The following CRACD variants were observed in gnomAD, a reference collection of about 807,000 sequenced individuals.
CRACD encodes the protein capping protein inhibiting regulator of actin dynamics, also known as capping protein-inhibiting regulator of actin dynamics.
A neutral mutation model predicts 106.8 loss-of-function variants in CRACD; 56 were observed. The ratio of observed to expected loss-of-function variants is 0.52; its 90% confidence interval spans 0.42 to 0.66. The LOEUF is 0.66. Among genes scored for constraint, CRACD ranks in the 30% least tolerant of loss-of-function variants. The pLI is 0.00. For missense variants in CRACD, 1,730 were observed against 1,623.2 expected (o/e 1.07, Z -1.13); for synonymous variants, 754 against 670.8 (o/e 1.12, Z -1.92).
intron 2 of CRACD, among the ~76,000 whole-genome samples, chr4:56,211,400 C>T (rs748527010): frequency 8.5e-5 from 13 of 152,242 alleles, no homozygotes; most frequent in Non-Finnish European, 1.5e-4. Flanking sequence ...CCTGCCCAGG[C>T]CATGCCTGGC....
At position 56,314,693 on chromosome 4, in the gene CRACD, G is replaced by A; in HGVS notation, c.1191G>A (p.Glu397=). ...CTGGGGAGGGCCGGCGGGGCGCGGA[G>A]GAGGAGGATCTGGGGGAAGAGGAGG... is the stretch of plus-strand genomic sequence containing the variant. ...EETGEGRRGA[E]EEDLGEEEEE... The change falls in exon 8 of 11, where the codon GAG becomes GAA. Residue 397 remains glutamate, a synonymous_variant. Transcript: ENST00000682029. The surrounding 1 kb of genome is among the most constrained non-coding windows in gnomAD (Gnocchi z 4.4). 3.2e-6 allele frequency: 5 copies of A among 1,556,686 alleles called. No individual in the cohort carries two copies. The highest frequency in any genetic ancestry group is 4.3e-6 in the Non-Finnish European group (5 of 1,150,196).
chr4:56,296,166 AG>A (rs1466108027), intron 3 of CRACD, among the ~76,000 whole-genome samples: 2 of 152,144 alleles, frequency 1.3e-5, no homozygotes, highest in Non-Finnish European at 2.9e-5. Context: ...AAAATATGGC[AG>A]CTGGCTGGCA....
At chr4:56,305,565 T>G (rs1744641444) in intron 4 of CRACD, among the ~76,000 whole-genome samples, 1 of 152,244 alleles carries the variant, frequency 6.6e-6, no homozygotes, top group South Asian at 2.1e-4. Context: ...CCTGTTGGAC[T>G]TGTTTTTAGA....
intron 1 of CRACD, among the ~76,000 whole-genome samples, chr4:56,141,741 T>TG (rs1484854786): frequency 1.5e-5 from 2 of 137,606 alleles, no homozygotes; most frequent in Non-Finnish European, 1.5e-5. Context: ...TCACCCACGC[T>TG]GGGGTGCAGT....
intron 1 of CRACD, among the ~76,000 whole-genome samples, chr4:56,078,461 C>G (rs537167534): frequency 1.2e-4 from 18 of 152,296 alleles, no homozygotes; most frequent in African/African-American, 4.1e-4. Context: ...GGCTAGAGTG[C>G]AGTGGTGTGA....
intron 10 of CRACD, among the ~76,000 whole-genome samples, chr4:56,325,861 T>C (rs1021528817): frequency 7.2e-5 from 11 of 152,182 alleles, no homozygotes; most frequent in Non-Finnish European, 1.2e-4. Flanking sequence ...ATTAAAGATA[T>C]ATTTACTACT....
intron 1 of CRACD, among the ~76,000 whole-genome samples, chr4:56,092,875 T>A (rs574390312): frequency 6.6e-6 from 1 of 152,226 alleles, no homozygotes; most frequent in Non-Finnish European, 1.5e-5. Flanking sequence ...GAGAGCAAAG[T>A]GTTGGGGTTA....
At chr4:56,264,131 T>C (rs1435055570) in intron 2 of CRACD, among the ~76,000 whole-genome samples, 1 of 152,028 alleles carries the variant, frequency 6.6e-6, no homozygotes, top group African/African-American at 2.4e-5. Context: ...TACACACTTT[T>C]AAACAACCAG....
chr4:56,127,410 G>A (rs1734694362), intron 1 of CRACD, among the ~76,000 whole-genome samples: 1 of 152,180 alleles, frequency 6.6e-6, no homozygotes, highest in African/African-American at 2.4e-5. Flanking sequence ...GGAAAGAGAG[G>A]AGTGCATTTT....
At chr4:56,123,947 A>ATTTT (rs3036813) in intron 1 of CRACD, among the ~76,000 whole-genome samples, 5 of 151,208 alleles carry the variant, frequency 3.3e-5, no homozygotes, top group African/African-American at 1.2e-4. Context: ...TTTTAAAATC[A>ATTTT]TTTTTTTTTA....
chr4:56,135,164 TA>T (rs1335513985), intron 1 of CRACD, among the ~76,000 whole-genome samples: 1 of 152,158 alleles, frequency 6.6e-6, no homozygotes, highest in African/African-American at 2.4e-5. Flanking sequence ...TATGCGCCTG[TA>T]ATCCCAGCTA....
intron 1 of CRACD, among the ~76,000 whole-genome samples, chr4:56,116,661 G>A (rs1432709612): frequency 1.3e-5 from 2 of 151,994 alleles, no homozygotes; most frequent in Non-Finnish European, 2.9e-5. Flanking sequence ...GTGACATAGT[G>A]CATCTTCTTT....
chr4:56,164,980 A>T (rs538198391), intron 1 of CRACD, among the ~76,000 whole-genome samples: 2 of 152,346 alleles, frequency 1.3e-5, no homozygotes, highest in East Asian at 3.9e-4. Flanking sequence ...GATCTCTGAA[A>T]TCAAGTGGGA....
At chr4:56,316,762 C>T (rs1560540120) in intron 8 of CRACD, 73 bp downstream of exon 8, 4 of 1,475,516 alleles carry the variant, frequency 2.7e-6, no homozygotes, top group Non-Finnish European at 3.7e-6. Context: ...GAGATCCACA[C>T]GCAGGTTCAT....
At chr4:56,278,645 T>C (rs1742813123) in intron 3 of CRACD, among the ~76,000 whole-genome samples, 2 of 152,180 alleles carry the variant, frequency 1.3e-5, no homozygotes, top group South Asian at 4.1e-4. Flanking sequence ...ACAGAAAAGT[T>C]GGACTACATC....
At chr4:56,309,885 T>C (rs928079406) in intron 5 of CRACD, among the ~76,000 whole-genome samples, 14 of 151,612 alleles carry the variant, frequency 9.2e-5, no homozygotes, top group African/African-American at 3.1e-4. Flanking sequence ...AGTAAAAAGT[T>C]AGCCAGACGT....
chr4:56,288,624 C>T (rs490591), intron 3 of CRACD: 132,564 of 153,286 alleles, frequency 0.86, 58,128 homozygotes, highest in Non-Finnish European at 0.94. Flanking sequence ...CCCTTTCTTT[C>T]ACTTCTTTGG....
At chr4:56,302,510 G>A (rs1428380019) in intron 4 of CRACD, among the ~76,000 whole-genome samples, 1 of 152,132 alleles carries the variant, frequency 6.6e-6, no homozygotes, top group Non-Finnish European at 1.5e-5. Context: ...CCACCGAGCT[G>A]GATTTCACTT....
rs913119229 is a variant in CRACD, at chr4:56,258,027, A to G, written c.-188-14294A>G. Among the ~76,000 whole-genome samples, 41 of 151,222 alleles carry G rather than the reference A, an allele frequency of 2.7e-4. 1 individual carries two copies. The highest frequency in any genetic ancestry group is 9.7e-4 in the African/African-American group (40 of 41,196). On this transcript the variant is annotated intron_variant, in intron 2 of 10. Transcript: ENST00000682029. ...AGAGGTGGCAGTGAGCCTAGATCGC[A>G]CCACTGCACTCCAGCCTGGCGACAG... is the stretch of plus-strand genomic sequence containing the variant.
Sources: gnomAD v4.1 joint callset for allele counts (sites outside exome capture counted in the v4.1 genomes callset) on GRCh38, gnomAD v4.1.1 for gene constraint, Gnocchi (gnomAD v3.1) non-coding constraint, MANE v1.5 for transcripts, NCBI Gene and HGNC (gene_info 2026-07-23, HGNC 2026-07-21) for gene names.